TAS2R1: variants seen among roughly 807,000 people sequenced by gnomAD.
TAS2R1 encodes taste receptor type 2 member 1.
For synonymous variants in TAS2R1, 141 were observed against 134.2 expected (o/e 1.05, Z -0.35); for missense variants, 370 against 353.4 (o/e 1.05, Z -0.38).
chr5:9,877,901 T>C, the TAS2R1 span, among the ~76,000 whole-genome samples: 1 of 152,168 alleles, frequency 6.6e-6, no homozygotes, highest in Non-Finnish European at 1.5e-5. Context: ...GTTCTCACCA[T>C]AGGTTAGAGA....
the TAS2R1 span, among the ~76,000 whole-genome samples, chr5:9,765,099 C>G: frequency 7.9e-5 from 12 of 152,110 alleles, no homozygotes; most frequent in South Asian, 2.5e-3. Flanking sequence ...TAGAAAAACC[C>G]TGGAATTCAA....
intron 1 of TAS2R1, among the ~76,000 whole-genome samples, chr5:9,685,565 C>T (rs1404071507): frequency 2.0e-5 from 3 of 152,026 alleles, no homozygotes; most frequent in Non-Finnish European, 4.4e-5. Flanking sequence ...ACCATGAGTA[C>T]TCAAAAATTT....
At chr5:9,882,380 C>A in the TAS2R1 span, among the ~76,000 whole-genome samples, 236 of 152,304 alleles carry the variant, frequency 1.5e-3, 2 homozygotes, top group Admixed American at 2.8e-3. Context: ...GTAATCCCAG[C>A]ATTTTGGGAG....
At chr5:9,719,837 C>G in the TAS2R1 span, among the ~76,000 whole-genome samples, 6,238 of 145,260 alleles carry the variant, frequency 0.043, 411 homozygotes, top group African/African-American at 0.14. Context: ...AGAATGGCGT[C>G]AACCTGGGAG....
the TAS2R1 span, among the ~76,000 whole-genome samples, chr5:9,724,687 T>C: frequency 5.9e-5 from 9 of 152,196 alleles, no homozygotes; most frequent in Admixed American, 5.9e-4. Context: ...AATGACTTCA[T>C]TTCTTCAACA....
the TAS2R1 span, among the ~76,000 whole-genome samples, chr5:9,744,557 A>G: frequency 6.6e-6 from 1 of 151,866 alleles, no homozygotes; most frequent in East Asian, 1.9e-4. Context: ...ATTATTCATG[A>G]CAAACTTGTA....
the TAS2R1 span, among the ~76,000 whole-genome samples, chr5:9,753,541 C>G: frequency 1.3e-5 from 2 of 152,080 alleles, no homozygotes; most frequent in Admixed American, 6.5e-5. Context: ...TGCAGAAGCT[C>G]TTTAGTTTAA....
At chr5:9,745,445 G>T in the TAS2R1 span, among the ~76,000 whole-genome samples, 9 of 151,932 alleles carry the variant, frequency 5.9e-5, no homozygotes, top group Admixed American at 5.9e-4. Context: ...AAAACACCCA[G>T]GGTAGCATAG....
chr5:9,796,196 A>T, the TAS2R1 span, among the ~76,000 whole-genome samples: 18 of 152,220 alleles, frequency 1.2e-4, no homozygotes, highest in Non-Finnish European at 2.5e-4. Flanking sequence ...CAGCAGAATA[A>T]TTTAACTCTT....
the TAS2R1 span, among the ~76,000 whole-genome samples, chr5:9,725,638 C>G: frequency 0.03 from 4,510 of 152,224 alleles, 206 homozygotes; most frequent in African/African-American, 0.096. Context: ...TGTGCGGCCC[C>G]AGCCTCCCCG....
the TAS2R1 span, among the ~76,000 whole-genome samples, chr5:9,780,409 T>G: frequency 1.3e-5 from 2 of 152,250 alleles, no homozygotes; most frequent in African/African-American, 4.8e-5. Flanking sequence ...CAGATTCCTT[T>G]GGCTAACTGG....
the TAS2R1 span, among the ~76,000 whole-genome samples, chr5:9,832,281 T>C: frequency 2.6e-5 from 4 of 152,194 alleles, no homozygotes; most frequent in South Asian, 2.1e-4. Flanking sequence ...CTTATTCACA[T>C]ACAAGTAAGG....
At chr5:9,819,896 C>T in the TAS2R1 span, among the ~76,000 whole-genome samples, 1 of 151,608 alleles carries the variant, frequency 6.6e-6, no homozygotes, top group Admixed American at 6.6e-5. Flanking sequence ...TACAAATATG[C>T]AAAAAAAGCG....
chr5:9,726,060 C>T, the TAS2R1 span, among the ~76,000 whole-genome samples: 7,501 of 140,966 alleles, frequency 0.053, 617 homozygotes, highest in African/African-American at 0.17. Flanking sequence ...CAATCGACAC[C>T]CTGTATCTAA....
the TAS2R1 span, among the ~76,000 whole-genome samples, chr5:9,771,936 A>C: frequency 2.6e-5 from 4 of 151,696 alleles, no homozygotes; most frequent in East Asian, 1.9e-4. Context: ...AATTTTGTTT[A>C]TCTCTTCAAA....
intron 1 of TAS2R1, among the ~76,000 whole-genome samples, chr5:9,697,509 T>G (rs1395513732): frequency 1.3e-5 from 2 of 152,176 alleles, no homozygotes; most frequent in Non-Finnish European, 2.9e-5. Flanking sequence ...AAGTCCAATT[T>G]CACTTGGAAA....
intron 1 of TAS2R1, among the ~76,000 whole-genome samples, chr5:9,667,760 A>T (rs1312885638): frequency 6.6e-6 from 1 of 152,218 alleles, no homozygotes; most frequent in African/African-American, 2.4e-5. Context: ...AAGAAAATAA[A>T]AACAAAGAAA....
At chr5:9,838,564 C>T in the TAS2R1 span, among the ~76,000 whole-genome samples, 1 of 152,182 alleles carries the variant, frequency 6.6e-6, no homozygotes, top group Non-Finnish European at 1.5e-5. Context: ...GCTTTCTGTT[C>T]TTCAGCAGCT....
At position 9,627,494 on chromosome 5, in the gene TAS2R1, GA is replaced by G. The variant is rs1259072026; in HGVS notation, c.*1638del. ...GAAATAGAATCAGAATTTAGTATCAGAAAAAAAAACACATGAGAGTTGTATC... is the reference window on the plus strand; with the variant it reads ...GAAATAGAATCAGAATTTAGTATCAGAAAAAAAACACATGAGAGTTGTATC... On this transcript the variant is annotated 3_prime_UTR_variant, in exon 1 of 1. Coordinates refer to ENST00000382492, the MANE Select transcript of TAS2R1 (RefSeq NM_019599.3). 2.7e-5 allele frequency among the ~76,000 whole-genome samples: 4 copies of G among 149,722 alleles called. No homozygotes were observed. The highest frequency in any genetic ancestry group is 2.1e-4 in the South Asian group (1 of 4,734).
Sources: allele counts gnomAD v4.1 joint callset (sites outside exome capture counted in the v4.1 genomes callset), GRCh38; gene constraint gnomAD v4.1.1; transcripts MANE v1.5; gene names NCBI Gene and HGNC (gene_info 2026-07-23, HGNC 2026-07-21).